TMEM156: variants seen among roughly 807,000 people sequenced by gnomAD.
TMEM156 encodes transmembrane protein 156.
A neutral mutation model predicts 30.5 loss-of-function variants in TMEM156; 28 were observed. The ratio of observed to expected loss-of-function variants is 0.92; its 90% CI spans 0.68 to 1.26. TMEM156 has a LOEUF of 1.26. Ranked by LOEUF, TMEM156 falls within the 50% of genes most tolerant of loss-of-function variation. The pLI is 0.00. For synonymous variants in TMEM156, 137 were observed against 119.9 expected (o/e 1.14, Z -0.93); for missense variants, 351 against 340.6 (o/e 1.03, Z -0.24).
intron 5 of TMEM156, among the ~76,000 whole-genome samples, chr4:38,983,260 T>C (rs1711716630): frequency 6.6e-6 from 1 of 152,196 alleles, no homozygotes; most frequent in South Asian, 2.1e-4. Context: ...TTCCAACAAA[T>C]GTCCTCTCTG....
chr4:38,988,052 C>T (rs767562983), intron 4 of TMEM156, among the ~76,000 whole-genome samples: 2 of 151,976 alleles, frequency 1.3e-5, no homozygotes, highest in Non-Finnish European at 2.9e-5. Context: ...TAGGTGGGTG[C>T]CTAGGTCATA....
intron 1 of TMEM156, among the ~76,000 whole-genome samples, chr4:39,018,350 T>C (rs1212478882): frequency 6.6e-6 from 1 of 152,340 alleles, no homozygotes; most frequent in East Asian, 1.9e-4. Context: ...TACAAATTAG[T>C]TGAGTTTTTA....
At chr4:38,991,406 A>G (rs1181556832) in intron 3 of TMEM156, among the ~76,000 whole-genome samples, 2 of 151,404 alleles carry the variant, frequency 1.3e-5, no homozygotes, top group East Asian at 3.9e-4. Flanking sequence ...CTTTTTGTAG[A>G]GTCAGGGTTT....
At chr4:38,998,590 A>G (rs1159393089) in intron 2 of TMEM156, 50 bp downstream of exon 2, 12 of 1,493,808 alleles carry the variant, frequency 8.0e-6, no homozygotes, top group South Asian at 1.4e-5. Flanking sequence ...AACAGAATAA[A>G]TTAATTTATA....
chr4:38,976,286 T>C, intron 5 of TMEM156, among the ~76,000 whole-genome samples: 1 of 80,220 alleles, frequency 1.2e-5, no homozygotes, highest in Non-Finnish European at 2.2e-5. Context: ...CTAGACTCCG[T>C]CTCAAAAAAA....
chr4:39,006,962 A>C (rs116573378), intron 1 of TMEM156, among the ~76,000 whole-genome samples: 2,247 of 152,154 alleles, frequency 0.015, 58 homozygotes, highest in African/African-American at 0.049. Flanking sequence ...AACAAACAAA[A>C]AAACAAAAAC....
At chr4:38,983,910 C>G (rs541555955) in intron 5 of TMEM156, among the ~76,000 whole-genome samples, 22 of 152,336 alleles carry the variant, frequency 1.4e-4, no homozygotes, top group African/African-American at 5.3e-4. Context: ...TCTTTTTACT[C>G]TATACTTATT....
chr4:39,018,278 C>G (rs1041274382), intron 1 of TMEM156, among the ~76,000 whole-genome samples: 13 of 152,310 alleles, frequency 8.5e-5, no homozygotes, highest in African/African-American at 3.1e-4. Flanking sequence ...GGATCATCTC[C>G]TTCCTGACTT....
At chr4:38,990,835 T>TTTTTTTTTGTTTTGTTTTG (rs1560365322) in intron 3 of TMEM156, among the ~76,000 whole-genome samples, 19 of 126,264 alleles carry the variant, frequency 1.5e-4, no homozygotes, top group Middle Eastern at 3.6e-3. Context: ...TTCTGGTTTT[T>TTTTTTTTTGTTTTGTTTTG]TTTTTTTTTT....
At chr4:39,005,696 G>A (rs1362133997) in intron 1 of TMEM156, among the ~76,000 whole-genome samples, 1 of 152,124 alleles carries the variant, frequency 6.6e-6, no homozygotes, top group South Asian at 2.1e-4. Flanking sequence ...CTTAAAGTAG[G>A]AGCATTTTGC....
intron 1 of TMEM156, among the ~76,000 whole-genome samples, chr4:39,029,797 A>G (rs944677033): frequency 6.6e-6 from 1 of 151,908 alleles, no homozygotes; most frequent in African/African-American, 2.4e-5. Flanking sequence ...TTTAATCAAT[A>G]TGGGACTATA....
At chr4:38,972,184 C>G (rs1722630257) in intron 5 of TMEM156, among the ~76,000 whole-genome samples, 1 of 148,878 alleles carries the variant, frequency 6.7e-6, no homozygotes, top group African/African-American at 2.5e-5. Context: ...AATTATGCTT[C>G]TTGTCCATGA....
In TMEM156 at chr4:39,017,979, A is replaced by G. The variant is rs1179785518; in HGVS notation, c.88+14247T>C. ...TTTACCTGGATAGATTTGCCCATTT[A>G]CATTTACTGGGATCATTGGTATATT... is the stretch of plus-strand genomic sequence containing the variant. On this transcript the variant is annotated intron_variant, in intron 1 of 6. Transcript: ENST00000381938. Among the ~76,000 whole-genome samples the G allele has an allele frequency of 2.0e-5, 3 of 152,222 alleles. No homozygotes were observed. The East Asian group carries it at 5.8e-4, about 29-fold the overall frequency.
At position 39,006,033 on chromosome 4, in the gene TMEM156, T is replaced by C. The variant is rs537375449; in HGVS notation, c.89-7124A>G. On this transcript the variant is annotated intron_variant, in intron 1 of 6. Transcript: ENST00000381938. ...GCCTCAGCCTCCTGAGTAGCTGGGA[T>C]TACAGGCATCTGCCGCCATGCCTGG... Among the ~76,000 whole-genome samples, 605 of 152,250 alleles carry C rather than the reference T, an allele frequency of 4.0e-3. 2 individuals are homozygous for C. Among genetic ancestry groups the C allele is most frequent in the Non-Finnish European group, 7.1e-3 (485 of 68,012 alleles).
rs188825709 is a variant in TMEM156, at chr4:38,995,352, T to C, written c.359-1354A>G. 7.2e-5 allele frequency among the ~76,000 whole-genome samples: 11 copies of C among 152,338 alleles called. No individual in the cohort carries two copies. The East Asian group carries it at 2.1e-3, about 29-fold the overall frequency. On this transcript the variant is annotated intron_variant, in intron 2 of 6. Coordinates refer to ENST00000381938, the MANE Select transcript of TMEM156 (RefSeq NM_024943.3). ...ATAACACACATGTTACCCTAAAAAC[T>C]TCACCATTTGCTCATTAAGGAATCT...
At chr4:38,990,994 C>T (rs1712413985) in intron 3 of TMEM156, among the ~76,000 whole-genome samples, 2 of 150,554 alleles carry the variant, frequency 1.3e-5, no homozygotes, top group Non-Finnish European at 1.5e-5. Context: ...ACACCATGCC[C>T]GGCTAATTTT....
chr4:39,024,122 G>A (rs1041227641), intron 1 of TMEM156, among the ~76,000 whole-genome samples: 3 of 152,140 alleles, frequency 2.0e-5, no homozygotes, highest in South Asian at 2.1e-4. Flanking sequence ...TGCAACCTCC[G>A]CCCCCTGGGT....
At chr4:38,968,874 C>T (rs1474625840) in intron 6 of TMEM156, among the ~76,000 whole-genome samples, 1 of 152,166 alleles carries the variant, frequency 6.6e-6, no homozygotes, top group African/African-American at 2.4e-5. Flanking sequence ...CTACTTGGTG[C>T]CCTGGGAGGC....
chr4:38,974,764 C>T lies in TMEM156; in HGVS notation c.824-3627G>A, dbSNP rs549698403. ...TTGGCTCACTGCAACCTCTGCCTCC[C>T]GGGTTCAAGAGACTTCCTGTCTCAG... is the stretch of plus-strand genomic sequence containing the variant. On this transcript the variant is annotated intron_variant, in intron 5 of 6. Coordinates refer to ENST00000381938, the MANE Select transcript of TMEM156 (RefSeq NM_024943.3). Among the ~76,000 whole-genome samples, 317 of 151,718 alleles carry T rather than the reference C, an allele frequency of 2.1e-3. 1 individual carries two copies. Among genetic ancestry groups the T allele is most frequent in the African/African-American group, 7.3e-3 (303 of 41,366 alleles).
Sources: gnomAD v4.1 joint callset for allele counts (sites outside exome capture counted in the v4.1 genomes callset) on GRCh38, gnomAD v4.1.1 for gene constraint, MANE v1.5 for transcripts, NCBI Gene and HGNC (gene_info 2026-07-23, HGNC 2026-07-21) for gene names.